The following AZIN1 variants were observed in gnomAD, a reference collection of about 807,000 sequenced individuals.
The protein encoded by AZIN1 is antizyme inhibitor 1.
Under a neutral mutation model 47.4 loss-of-function variants are expected in AZIN1, and 12 were observed. That is an observed-to-expected ratio of 0.25 (90% CI 0.16 to 0.41). The LOEUF (loss-of-function observed/expected upper bound fraction) is 0.41, where lower values mean the gene tolerates loss of function less well. Ranked by LOEUF, AZIN1 falls within the 10% of genes least tolerant of loss-of-function variation. The pLI is 1.00. For missense variants in AZIN1, 410 were observed against 532.4 expected, an observed-to-expected ratio of 0.77 and a Z score of 2.26; for synonymous variants, 155 against 176.3, an observed-to-expected ratio of 0.88 and a Z score of 0.96.
Position 102,834,179 on chromosome 8 carries a change from A to T in AZIN1, c.741+10T>A. ...ATTATTCTGTTAATGTCATCTACTG[A>T]GAAGTTTACCTCTTCCAATTGAAAT... On this transcript the variant is annotated intron_variant, in intron 8 of 11. Transcript: ENST00000337198. The T allele has an allele frequency of 6.2e-7, 1 of 1,608,038 alleles. No homozygotes were observed. The highest frequency in any genetic ancestry group is 1.7e-5 in the Admixed American group (1 of 59,952).
At chr8:102,861,852 C>T (rs1324592405) in intron 1 of AZIN1, among the ~76,000 whole-genome samples, 1 of 151,852 alleles carries the variant, frequency 6.6e-6, no homozygotes, top group Non-Finnish European at 1.5e-5. Flanking sequence ...ACCAGCCTGA[C>T]CAACAGTGAA....
intron 2 of AZIN1, among the ~76,000 whole-genome samples, chr8:102,851,435 T>C (rs960248438): frequency 6.6e-6 from 1 of 152,148 alleles, no homozygotes; most frequent in Non-Finnish European, 1.5e-5. Context: ...TGGCCGGACA[T>C]GGTGGCTCAC....
intron 5 of AZIN1, 54 bp from the exon 6 acceptor site, chr8:102,836,444 A>G: frequency 6.4e-7 from 1 of 1,560,358 alleles, no homozygotes; most frequent in Non-Finnish European, 8.8e-7. Flanking sequence ...TCATCAGCAC[A>G]TGTGAAGCCT....
At position 102,829,791 on chromosome 8, in the gene AZIN1, A is replaced by C. The variant is rs765757851; in HGVS notation, c.1020+30T>G. On this transcript the variant is annotated intron_variant, in intron 10 of 11. Coordinates refer to ENST00000337198, the MANE Select transcript of AZIN1 (RefSeq NM_148174.4). ...AACAGCTCAGCTTATAAAATGCCAA[A>C]TAGGTTTTGATATTTCTGATAAAAC... 2.0e-6 allele frequency: 3 copies of C among 1,504,784 alleles called. No individual in the cohort carries two copies. In the Admixed American group the frequency reaches 5.3e-5, roughly 27 times the overall value. The allele number at this position is 1,504,784 out of a possible 1,614,324, so 93.2% of individuals were successfully genotyped here. A position where few individuals can be genotyped will look rare whatever the true frequency, so the allele number is the denominator to read the frequency against.
intron 3 of AZIN1, among the ~76,000 whole-genome samples, chr8:102,842,928 G>A (rs1812307934): frequency 6.7e-6 from 1 of 148,798 alleles, no homozygotes; most frequent in Admixed American, 6.6e-5. Context: ...CAAAAAAAAA[G>A]AATTGAGGCT....
chr8:102,833,287 A>G (rs570706340), intron 8 of AZIN1, 69 bp from the exon 9 acceptor site: 5 of 1,432,758 alleles, frequency 3.5e-6, no homozygotes, highest in South Asian at 2.6e-5. Flanking sequence ...TCAGAGATTG[A>G]TATTAACAAA....
In AZIN1 at chr8:102,864,045, G is replaced by C. The variant is rs1342148675; in HGVS notation, c.-472C>G. ...AAGAAAGGCGCGGGCTGGGTGGGAA[G>C]AGGATTCGGACTCGTCACACTGCAG... On this transcript the variant is annotated 5_prime_UTR_variant, in exon 1 of 12. Transcript: ENST00000337198. 6.4e-6 allele frequency: 1 copy of C among 156,886 alleles called. No individual in the cohort carries two copies. Among genetic ancestry groups the C allele is most frequent in the Non-Finnish European group, 1.4e-5 (1 of 71,004 alleles). 9.7% of individuals were successfully genotyped at this position (156,886 alleles called of 1,614,324 possible). A position where few individuals can be genotyped will look rare whatever the true frequency, so the allele number is the denominator to read the frequency against.
intron 1 of AZIN1, among the ~76,000 whole-genome samples, chr8:102,860,536 T>A (rs1813576882): frequency 6.6e-6 from 1 of 152,202 alleles, no homozygotes; most frequent in Non-Finnish European, 1.5e-5. Context: ...GTGCTGGGAT[T>A]ACAGGCATGA....
chr8:102,863,497 C>T (rs76052743), intron 1 of AZIN1, among the ~76,000 whole-genome samples: 11,387 of 151,566 alleles, frequency 0.075, 722 homozygotes, highest in Admixed American at 0.21. Flanking sequence ...GGGACGGCGA[C>T]CCCCGGCGGC....
intron 3 of AZIN1, among the ~76,000 whole-genome samples, chr8:102,841,829 G>C (rs1210769890): frequency 2.1e-5 from 3 of 145,272 alleles, no homozygotes; most frequent in African/African-American, 7.6e-5. Context: ...AAAAAGACCA[G>C]GCTGGGCGCG....
intron 5 of AZIN1, chr8:102,836,610 T>C: frequency 1.9e-6 from 1 of 518,656 alleles, no homozygotes; most frequent in Non-Finnish European, 3.4e-6. Context: ...TTTTGGAAAA[T>C]GCAGCAAGTT....
At chr8:102,850,333 AT>A (rs914524536) in intron 2 of AZIN1, among the ~76,000 whole-genome samples, 1 of 152,174 alleles carries the variant, frequency 6.6e-6, no homozygotes, top group Admixed American at 6.5e-5. Flanking sequence ...TTCTACTTTT[AT>A]TTTTACATAG....
rs201247849 is a variant in AZIN1 at position 102,829,279 on chromosome 8, T to C, written c.1228A>G (p.Ser410Gly). 17 of 1,612,230 alleles carry C rather than the reference T, an allele frequency of 1.1e-5. No individual in the cohort carries two copies. Among genetic ancestry groups the C allele is most frequent in the Non-Finnish European group, 1.4e-5 (16 of 1,178,858 alleles). The change falls in exon 11 of 12, where the codon AGT becomes GGT. Residue 410 changes from serine to glycine, a missense_variant. Physicochemically the swap from Ser to Gly is moderately conservative, Grantham distance 56. Around this residue, in one of 3 missense-constraint regions of AZIN1, gnomAD observed 168 missense variants for 198.3 expected, o/e 0.85. Coordinates refer to ENST00000337198, the MANE Select transcript of AZIN1 (RefSeq NM_148174.4). The stretch of plus-strand genomic sequence containing the variant: ...AAAATAAAATCACCTTACCAATCAC[T>C]GAATGACATCATGTAATAAATGGCT... ...RPAIYYMMSFSDWYEMQDAGI... is the reference protein window; with the variant it reads ...RPAIYYMMSFGDWYEMQDAGI...
rs1222215487 is a variant in AZIN1, at chr8:102,827,621, C to G, written c.*946G>C. ...TTATTTCCCTCCCCCCAAGTTTATT[C>G]AAAGTATTTAACAGAATCTTCCATT... On this transcript the variant is annotated 3_prime_UTR_variant, in exon 12 of 12. Transcript: ENST00000337198. The G allele has an allele frequency of 6.6e-6, 1 of 152,406 alleles. No homozygotes were observed. Among genetic ancestry groups the G allele is most frequent in the Non-Finnish European group, 1.5e-5 (1 of 67,992 alleles). 9.4% of individuals were successfully genotyped at this position (152,406 alleles called of 1,614,324 possible).
chr8:102,829,341 A>C lies in AZIN1; in HGVS notation c.1166T>G (p.Phe389Cys). 1 of 1,614,032 alleles carries C rather than the reference A, an allele frequency of 6.2e-7. No homozygotes were observed. The highest frequency in any genetic ancestry group is 8.5e-7 in the Non-Finnish European group (1 of 1,179,910). Reference protein sequence around the residue: ...LIFDNMGADSFHEPSAFNDFQ... With the variant: ...LIFDNMGADSCHEPSAFNDFQ... ...ATCATTAAAAGCAGATGGTTCATGG[A>C]AAGAATCTGCTCCCATGTTATCAAA... The change falls in exon 11 of 12, where the codon TTC becomes TGC. Residue 389 changes from phenylalanine (F) to cysteine (C), a missense_variant. Physicochemically the swap from Phe to Cys is radical, Grantham distance 205. Transcript: ENST00000337198.
Position 102,827,317 on chromosome 8 carries a change from AC to A in AZIN1, c.*1249del, listed in dbSNP as rs1313745322. 6.6e-6 allele frequency: 1 copy of A among 152,196 alleles called. No individual in the cohort carries two copies. The highest frequency in any genetic ancestry group is 6.6e-5 in the Admixed American group (1 of 15,266). The allele number at this position is 152,196 out of a possible 1,614,324, so 9.4% of individuals were successfully genotyped here. A position where few individuals can be genotyped will look rare whatever the true frequency, so the allele number is the denominator to read the frequency against. The stretch of plus-strand genomic sequence containing the variant: ...AACAACTGTCAGGTTAGTGATGCTA[AC>A]TCCCTTCCCCCAACCACCATAAAAT... On this transcript the variant is annotated 3_prime_UTR_variant, in exon 12 of 12. Coordinates refer to ENST00000337198, the MANE Select transcript of AZIN1 (RefSeq NM_148174.4).
intron 3 of AZIN1, among the ~76,000 whole-genome samples, chr8:102,841,803 T>TA (rs1280642913): frequency 0.023 from 2,766 of 122,800 alleles, 83 homozygotes; most frequent in African/African-American, 0.083. Context: ...TATATATATA[T>TA]ATAAAAAAAA....
chr8:102,854,854 T>G (rs899027650), intron 2 of AZIN1, among the ~76,000 whole-genome samples: 1 of 151,868 alleles, frequency 6.6e-6, no homozygotes, highest in African/African-American at 2.4e-5. Flanking sequence ...ACTGAATCCC[T>G]TTTCCATACT....
intron 2 of AZIN1, among the ~76,000 whole-genome samples, chr8:102,857,201 C>A (rs1395201687): frequency 6.6e-6 from 1 of 152,118 alleles, no homozygotes; most frequent in Non-Finnish European, 1.5e-5. Flanking sequence ...GTATTAACAT[C>A]AAATGTTTGC....
Sources: gnomAD v4.1 joint callset for allele counts (sites outside exome capture counted in the v4.1 genomes callset) on GRCh38, gnomAD v4.1.1 for gene constraint, gnomAD v4.1.1 regional missense constraint, MANE v1.5 for transcripts, NCBI Gene and HGNC (gene_info 2026-07-23, HGNC 2026-07-21) for gene names.